GADL1: variants seen among roughly 807,000 people sequenced by gnomAD.
The protein encoded by GADL1 is GAD like acidic amino acid decarboxylase 1, also known as acidic amino acid decarboxylase GADL1.
GADL1 carries 71 observed loss-of-function variants against 69.5 expected under a neutral mutation model. The ratio of observed to expected loss-of-function variants is 1.02; its 90% CI spans 0.84 to 1.25. The LOEUF (loss-of-function observed/expected upper bound fraction) is 1.25. Ranked by LOEUF, GADL1 falls within the 50% of genes most tolerant of loss-of-function variation. The probability of loss-of-function intolerance (pLI) is 0.00; values close to 1 mark genes in which losing one functional copy is unlikely to be tolerated. For missense variants in GADL1, 737 were observed against 631.8 expected (o/e 1.17, Z -1.79); for synonymous variants, 254 against 214.4 (o/e 1.18, Z -1.62).
intron 11 of GADL1, among the ~76,000 whole-genome samples, chr3:30,832,642 A>C (rs1027207040): frequency 1.4e-4 from 21 of 152,048 alleles, no homozygotes; most frequent in African/African-American, 4.8e-4. Flanking sequence ...CCTAGACCAA[A>C]AGAAAACTTG....
chr3:30,861,271 A>G (rs1575238472), intron 2 of GADL1, among the ~76,000 whole-genome samples: 2 of 151,574 alleles, frequency 1.3e-5, no homozygotes, highest in African/African-American at 2.4e-5. Flanking sequence ...CGTAAGTGAG[A>G]TTAGCAGGTT....
chr3:30,848,630 A>G (rs1228577082), intron 6 of GADL1, among the ~76,000 whole-genome samples: 1 of 152,148 alleles, frequency 6.6e-6, no homozygotes, highest in Non-Finnish European at 1.5e-5. Context: ...AGACGGAGGC[A>G]TCCACTAGAA....
At chr3:30,847,362 G>A (rs1213663220) in intron 6 of GADL1, among the ~76,000 whole-genome samples, 1 of 152,122 alleles carries the variant, frequency 6.6e-6, no homozygotes, top group Non-Finnish European at 1.5e-5. Flanking sequence ...GAGTAATTTG[G>A]GGTAGCACAA....
At chr3:30,787,154 C>T (rs551596534) in intron 12 of GADL1, among the ~76,000 whole-genome samples, 1 of 151,946 alleles carries the variant, frequency 6.6e-6, no homozygotes, top group Non-Finnish European at 1.5e-5. Context: ...ACCTAGGTAA[C>T]CTGCACATCC....
chr3:30,740,654 T>C (rs1695603363), intron 14 of GADL1, among the ~76,000 whole-genome samples: 1 of 151,990 alleles, frequency 6.6e-6, no homozygotes, highest in Admixed American at 6.6e-5. Flanking sequence ...CCTACTTTCT[T>C]ACTCTCCCAT....
At chr3:30,827,801 G>T (rs557725236) in intron 11 of GADL1, among the ~76,000 whole-genome samples, 41 of 151,930 alleles carry the variant, frequency 2.7e-4, no homozygotes, top group African/African-American at 9.4e-4. Context: ...TTGCCAAAAG[G>T]TCTGGGAAGA....
intron 14 of GADL1, among the ~76,000 whole-genome samples, chr3:30,757,116 T>TAGAA (rs142390874): frequency 4.5e-3 from 684 of 152,250 alleles, no homozygotes; most frequent in Non-Finnish European, 7.5e-3. Flanking sequence ...CTGATCTCAG[T>TAGAA]AGAAAGACTG....
intron 13 of GADL1, chr3:30,779,196 A>G (rs1285633207): frequency 6.6e-6 from 1 of 152,238 alleles, no homozygotes; most frequent in African/African-American, 2.4e-5. Flanking sequence ...TGACTAGGAG[A>G]TCTGGGACAT....
At chr3:30,780,995 A>T (rs1696653399) in intron 13 of GADL1, among the ~76,000 whole-genome samples, 1 of 152,210 alleles carries the variant, frequency 6.6e-6, no homozygotes, top group Non-Finnish European at 1.5e-5. Context: ...TTTTCAGAGT[A>T]AATCATTTGT....
intron 11 of GADL1, among the ~76,000 whole-genome samples, chr3:30,822,537 A>G (rs1379397773): frequency 6.6e-6 from 1 of 152,068 alleles, no homozygotes; most frequent in Non-Finnish European, 1.5e-5. Context: ...CTGGTTATAT[A>G]AGCAAAATAT....
At chr3:30,730,870 T>TGC (rs1316091804) in intron 14 of GADL1, among the ~76,000 whole-genome samples, 1 of 152,172 alleles carries the variant, frequency 6.6e-6, no homozygotes, top group African/African-American at 2.4e-5. Flanking sequence ...TGTGTGTGTG[T>TGC]GCCTGTGCAT....
intron 13 of GADL1, among the ~76,000 whole-genome samples, chr3:30,780,418 T>G (rs1298854307): frequency 6.6e-6 from 1 of 152,198 alleles, no homozygotes; most frequent in African/African-American, 2.4e-5. Flanking sequence ...GTGCCAGGTG[T>G]GGTGGCTGCT....
At chr3:30,822,832 A>G (rs1297894451) in intron 11 of GADL1, among the ~76,000 whole-genome samples, 1 of 151,984 alleles carries the variant, frequency 6.6e-6, no homozygotes, top group Non-Finnish European at 1.5e-5. Context: ...AAATAATAGC[A>G]TATGTTTGCT....
intron 4 of GADL1, among the ~76,000 whole-genome samples, chr3:30,851,178 G>A (rs1019454863): frequency 6.6e-6 from 1 of 152,104 alleles, no homozygotes; most frequent in Non-Finnish European, 1.5e-5. Context: ...GCAGTCTTTC[G>A]AGAAAAACCT....
chr3:30,877,322 A>T (rs925401612), intron 1 of GADL1, among the ~76,000 whole-genome samples: 2 of 151,920 alleles, frequency 1.3e-5, no homozygotes, highest in African/African-American at 2.4e-5. Flanking sequence ...CTAAGCTGAC[A>T]TATTGTATTG....
chr3:30,859,852 A>G (rs2125536175), intron 2 of GADL1, among the ~76,000 whole-genome samples: 1 of 151,970 alleles, frequency 6.6e-6, no homozygotes, highest in Admixed American at 6.6e-5. Context: ...ATAGCTTTCA[A>G]TCCAACTTCC....
At chr3:30,785,361 A>AG (rs1696765466) in intron 13 of GADL1, among the ~76,000 whole-genome samples, 1 of 149,434 alleles carries the variant, frequency 6.7e-6, no homozygotes, top group African/African-American at 2.5e-5. Context: ...AATAAATACC[A>AG]AAAAAGCTAG....
chr3:30,828,987 G>GT (rs973910593), intron 11 of GADL1, among the ~76,000 whole-genome samples: 6 of 151,642 alleles, frequency 4.0e-5, no homozygotes, highest in African/African-American at 4.8e-5. Context: ...TACCTGTTGA[G>GT]TTTTTTTTAA....
At chr3:30,775,011 A>AG (rs1222731376) in intron 14 of GADL1, among the ~76,000 whole-genome samples, 24 of 152,136 alleles carry the variant, frequency 1.6e-4, no homozygotes, top group Admixed American at 1.2e-3. Flanking sequence ...TGAAGACCTA[A>AG]GATATCATAA....
Sources: allele counts gnomAD v4.1 joint callset (sites outside exome capture counted in the v4.1 genomes callset), GRCh38; gene constraint gnomAD v4.1.1; transcripts MANE v1.5; gene names NCBI Gene and HGNC (gene_info 2026-07-23, HGNC 2026-07-21).